The following APOL4 variants were observed in gnomAD, a reference collection of about 807,000 sequenced individuals.
APOL4 encodes the protein apolipoprotein L4, also known as apolipoprotein L, 4.
A neutral mutation model predicts 12.1 loss-of-function variants in APOL4; 14 were observed. The ratio of observed to expected loss-of-function variants is 1.16; its 90% CI spans 0.76 to 1.81. The LOEUF (loss-of-function observed/expected upper bound fraction) is 1.81. Among genes scored for constraint, APOL4 ranks in the 40% most tolerant of loss-of-function variants. APOL4 has a pLI of 0.00. For missense variants in APOL4, 432 were observed against 423.1 expected (o/e 1.02, Z -0.18); for synonymous variants, 171 against 160.6 (o/e 1.06, Z -0.49).
upstream of APOL4, chr22:36,204,621 A>G: frequency 1.5e-6 from 1 of 654,108 alleles, no homozygotes; most frequent in Non-Finnish European, 2.3e-6. Context: ...CACCATCCCC[A>G]ACTTACCAAG....
At chr22:36,195,923 T>C (rs935286097) in intron 2 of APOL4, among the ~76,000 whole-genome samples, 1 of 152,158 alleles carries the variant, frequency 6.6e-6, no homozygotes, top group African/African-American at 2.4e-5. Flanking sequence ...CTTGGACTTC[T>C]TGCCTCTAGA....
Position 36,189,979 on chromosome 22 carries a change from C to A in APOL4, c.*1096G>T, listed in dbSNP as rs2014198808. On this transcript the variant is annotated 3_prime_UTR_variant, in exon 4 of 4. Coordinates refer to ENST00000683024, the MANE Select transcript of APOL4 (RefSeq NM_001386885.1). ...CACCTTCCCTGGTGGCTGCACTGCT[C>A]TGGGGTCATTGGGTATCGGGGAACC... is the stretch of plus-strand genomic sequence containing the variant. 4 of 209,930 alleles carry A rather than the reference C, an allele frequency of 1.9e-5. 1 individual carries two copies. Among genetic ancestry groups the A allele is most frequent in the Admixed American group, 1.7e-4 (4 of 23,214 alleles). 13.0% of individuals were successfully genotyped at this position (209,930 alleles called of 1,614,324 possible). A position where few individuals can be genotyped will look rare whatever the true frequency, so the allele number is the denominator to read the frequency against.
chr22:36,203,113 C>A (rs2014633169), upstream of APOL4, among the ~76,000 whole-genome samples: 1 of 152,236 alleles, frequency 6.6e-6, no homozygotes, highest in Non-Finnish European at 1.5e-5. Context: ...TGCAATGCGA[C>A]CTTCTCACTC....
chr22:36,195,774 TCTCACACACA>T (rs1241101162), intron 2 of APOL4, among the ~76,000 whole-genome samples: 765 of 65,942 alleles, frequency 0.012, 7 homozygotes, highest in East Asian at 0.11. Flanking sequence ...TCTCTCTCTC[TCTCACACACA>T]CACACACACA....
chr22:36,203,300 C>T (rs901448181), upstream of APOL4, among the ~76,000 whole-genome samples: 1 of 152,102 alleles, frequency 6.6e-6, no homozygotes, highest in African/African-American at 2.4e-5. Context: ...CTGGATATAC[C>T]AGCATTTATT....
Position 36,189,972 on chromosome 22 carries a change from C to T in APOL4, c.*1103G>A. The T allele has an allele frequency of 4.8e-6, 1 of 210,156 alleles. No individual in the cohort carries two copies. The highest frequency in any genetic ancestry group is 1.0e-5 in the Non-Finnish European group (1 of 98,974). The allele number at this position is 210,156 out of a possible 1,614,324, so 13.0% of individuals were successfully genotyped here. ...TCTGGCTCACCTTCCCTGGTGGCTG[C>T]ACTGCTCTGGGGTCATTGGGTATCG... On this transcript the variant is annotated 3_prime_UTR_variant, in exon 4 of 4. Coordinates refer to ENST00000683024, the MANE Select transcript of APOL4 (RefSeq NM_001386885.1).
intron 2 of APOL4, 142 bp downstream of exon 2, chr22:36,199,188 C>G (rs1305218437): frequency 8.6e-7 from 1 of 1,161,266 alleles, no homozygotes; most frequent in African/African-American, 1.5e-5. Flanking sequence ...GGGCTTGGGG[C>G]AGCCTCATCA....
At chr22:36,192,899 C>T (rs1268764659) in intron 3 of APOL4, among the ~76,000 whole-genome samples, 1 of 152,312 alleles carries the variant, frequency 6.6e-6, no homozygotes, top group East Asian at 1.9e-4. Context: ...AAGAGCTCTG[C>T]ATTGTCATGA....
Position 36,191,191 on chromosome 22 carries a change from C to T in APOL4, c.931G>A (p.Asp311Asn). 6.2e-7 allele frequency: 1 copy of T among 1,613,726 alleles called. No individual in the cohort carries two copies. The highest frequency in any genetic ancestry group is 1.7e-5 in the Admixed American group (1 of 59,978). The change falls in exon 4 of 4, where the codon GAC becomes AAC. Residue 311 changes from aspartate (D) to asparagine (N), a missense_variant. By Grantham distance (23) the Asp-to-Asn change is conservative (BLOSUM62 1). Coordinates refer to ENST00000683024, the MANE Select transcript of APOL4 (RefSeq NM_001386885.1). ...TCGGATTTTGCCCCCTTGTGCAAGT[C>T]CAGTGAGTCTTGCACAAGGTTGACT... ...DVVNLVQDSL[D>N]LHKGAKSESA...
At chr22:36,195,245 A>T in intron 3 of APOL4, 66 bp downstream of exon 3, 1 of 1,558,786 alleles carries the variant, frequency 6.4e-7, no homozygotes, top group Admixed American at 1.9e-5. Context: ...GCCAGAGAAA[A>T]CTAGCCCGGG....
In APOL4 at chr22:36,194,042, C is replaced by T. The variant is rs146164634; in HGVS notation, c.209+1269G>A. 4.9e-3 allele frequency among the ~76,000 whole-genome samples: 748 copies of T among 152,330 alleles called. 9 individuals carry two copies. The highest frequency in any genetic ancestry group is 0.017 in the African/African-American group (706 of 41,572). On this transcript the variant is annotated intron_variant, in intron 3 of 3. Coordinates refer to ENST00000683024, the MANE Select transcript of APOL4 (RefSeq NM_001386885.1). ...GACTTTGAAAATCATCTCTATAAAT[C>T]ACTAATGCTGAAAAGACCTGCATTT...
chr22:36,196,403 G>A (rs954851636), intron 2 of APOL4, among the ~76,000 whole-genome samples: 2 of 152,184 alleles, frequency 1.3e-5, no homozygotes, highest in African/African-American at 4.8e-5. Context: ...AAGGGACAGA[G>A]GGTGCATATG....
At chr22:36,202,886 A>C (rs2014628105), upstream of APOL4, among the ~76,000 whole-genome samples, 1 of 152,208 alleles carries the variant, frequency 6.6e-6, no homozygotes, top group Admixed American at 6.5e-5. Context: ...AGAGTCGCAC[A>C]GCTCTTGGAG....
chr22:36,200,885 C>G (rs188243826), intron 1 of APOL4, among the ~76,000 whole-genome samples: 2 of 152,268 alleles, frequency 1.3e-5, no homozygotes, highest in Non-Finnish European at 2.9e-5. Flanking sequence ...CCAATTAGTA[C>G]AAACTTTAAG....
At chr22:36,197,533 G>A in intron 2 of APOL4, 10 of 1,384,074 alleles carry the variant, frequency 7.2e-6, no homozygotes, top group Non-Finnish European at 9.4e-6. Flanking sequence ...AACCAGACCT[G>A]AAACATTCCC....
chr22:36,195,774 TCTCACACACACACA>T (rs1347448248), intron 2 of APOL4, among the ~76,000 whole-genome samples: 3 of 66,018 alleles, frequency 4.5e-5, no homozygotes, highest in East Asian at 4.0e-3. Flanking sequence ...TCTCTCTCTC[TCTCACACACACACA>T]CACACACACA....
At chr22:36,196,317 A>C (rs1217853028) in intron 2 of APOL4, among the ~76,000 whole-genome samples, 1 of 152,202 alleles carries the variant, frequency 6.6e-6, no homozygotes, top group Non-Finnish European at 1.5e-5. Context: ...AAGATACTTG[A>C]AATATACCTA....
chr22:36,199,448 G>T, intron 1 of APOL4, 72 bp from the exon 2 acceptor site: 1 of 1,612,960 alleles, frequency 6.2e-7, no homozygotes, highest in Non-Finnish European at 8.5e-7. Context: ...TTGAACAGCT[G>T]GGCCTCTGCA....
intron 2 of APOL4, chr22:36,197,544 G>T: frequency 1.4e-6 from 2 of 1,386,284 alleles, no homozygotes; most frequent in South Asian, 1.9e-5. Context: ...AAACATTCCC[G>T]GGCAAACAAA....
Sources: gnomAD v4.1 joint callset for allele counts (sites outside exome capture counted in the v4.1 genomes callset) on GRCh38, gnomAD v4.1.1 for gene constraint, MANE v1.5 for transcripts, NCBI Gene and HGNC (gene_info 2026-07-23, HGNC 2026-07-21) for gene names.